EXOC4: variants seen among roughly 807,000 people sequenced by gnomAD.
EXOC4 encodes the protein SEC8-like 1.
In EXOC4, 71 loss-of-function variants were observed where a neutral mutation model predicts 107.2. That is an observed-to-expected ratio of 0.66 (90% CI 0.55 to 0.81). The LOEUF is 0.81. Among genes scored for constraint, EXOC4 ranks in the 30% least tolerant of loss-of-function variants. The pLI is 0.00. For missense variants in EXOC4, 1,108 were observed against 1,189.6 expected (o/e 0.93, Z 1.01); for synonymous variants, 456 against 441.2 (o/e 1.03, Z -0.42).
intron 5 of EXOC4, among the ~76,000 whole-genome samples, chr7:133,348,172 C>CACTA (rs1181186486): frequency 6.6e-6 from 1 of 152,092 alleles, no homozygotes; most frequent in East Asian, 1.9e-4. Context: ...TGATATTAGA[C>CACTA]TAGTCATGGT....
At chr7:133,553,768 C>G (rs1307481044) in intron 9 of EXOC4, among the ~76,000 whole-genome samples, 1 of 152,004 alleles carries the variant, frequency 6.6e-6, no homozygotes, top group Non-Finnish European at 1.5e-5. Flanking sequence ...TTCTGTTGTT[C>G]CCAACAAAGT....
intron 7 of EXOC4, among the ~76,000 whole-genome samples, chr7:133,390,989 A>T (rs1796839694): frequency 6.6e-6 from 1 of 152,114 alleles, no homozygotes; most frequent in Non-Finnish European, 1.5e-5. Flanking sequence ...AATCATTTTA[A>T]TTTTTTATCC....
intron 7 of EXOC4, among the ~76,000 whole-genome samples, chr7:133,400,220 G>A (rs1363957945): frequency 1.3e-5 from 2 of 152,120 alleles, no homozygotes; most frequent in African/African-American, 4.8e-5. Flanking sequence ...TATAATTTCA[G>A]CTACTAAAGA....
At chr7:133,572,049 T>G (rs1450189548) in intron 9 of EXOC4, among the ~76,000 whole-genome samples, 2 of 152,316 alleles carry the variant, frequency 1.3e-5, no homozygotes, top group East Asian at 3.9e-4. Context: ...GCACAGGGAT[T>G]TTCTTTGTTA....
chr7:133,361,266 C>G (rs1034499390), intron 6 of EXOC4, among the ~76,000 whole-genome samples: 1 of 152,060 alleles, frequency 6.6e-6, no homozygotes, highest in African/African-American at 2.4e-5. Context: ...TTTTTGCTTA[C>G]CTCTGTATTG....
At position 133,596,013 on chromosome 7, in the gene EXOC4, C is replaced by G. The variant is rs981647866; in HGVS notation, c.1418-34032C>G. On this transcript the variant is annotated intron_variant, in intron 9 of 17. Coordinates refer to ENST00000253861, the MANE Select transcript of EXOC4 (RefSeq NM_021807.4). Reference sequence around the variant, plus strand: ...CAGCCCCACCTTTTCCCCACACTCCCATTTGCTTTGCTCCAACATGCTATC... The same window carrying G: ...CAGCCCCACCTTTTCCCCACACTCCGATTTGCTTTGCTCCAACATGCTATC... 8.5e-5 allele frequency among the ~76,000 whole-genome samples: 13 copies of G among 152,328 alleles called. No individual in the cohort carries two copies. The East Asian group carries it at 2.5e-3, about 29-fold the overall frequency.
chr7:133,624,762 T>G, intron 9 of EXOC4, among the ~76,000 whole-genome samples: 1 of 152,132 alleles, frequency 6.6e-6, no homozygotes, highest in East Asian at 1.9e-4. Context: ...CTGGCTAATT[T>G]TTGTATTTTT....
At chr7:133,907,457 T>A (rs1799592438) in intron 12 of EXOC4, among the ~76,000 whole-genome samples, 1 of 152,204 alleles carries the variant, frequency 6.6e-6, no homozygotes, top group Non-Finnish European at 1.5e-5. Context: ...GGGTTTTCCA[T>A]ACTAGGTCCA....
chr7:133,806,316 C>T (rs2542274), intron 10 of EXOC4, among the ~76,000 whole-genome samples: 57,347 of 152,012 alleles, frequency 0.38, 13,418 homozygotes, highest in Admixed American at 0.55. Flanking sequence ...ATAGAGAACA[C>T]AGGAGGAGAG....
chr7:133,941,736 ATACAGCAG>A (rs1800432427), intron 14 of EXOC4, among the ~76,000 whole-genome samples: 2 of 152,078 alleles, frequency 1.3e-5, no homozygotes, highest in Admixed American at 6.5e-5. Flanking sequence ...GCATTGACTC[ATACAGCAG>A]ATAAATCAAA....
At chr7:133,707,587 T>G (rs1794795627) in intron 10 of EXOC4, among the ~76,000 whole-genome samples, 1 of 152,086 alleles carries the variant, frequency 6.6e-6, no homozygotes, top group South Asian at 2.1e-4. Flanking sequence ...TGCTTATTTC[T>G]GAACAATATT....
chr7:133,466,843 A>G (rs1239564364), intron 7 of EXOC4, among the ~76,000 whole-genome samples: 3 of 152,198 alleles, frequency 2.0e-5, no homozygotes, highest in Admixed American at 6.5e-5. Flanking sequence ...TTAAAAGTCA[A>G]TGTATTACCA....
At position 133,694,040 on chromosome 7, in the gene EXOC4, C is replaced by T. The variant is rs533008643; in HGVS notation, c.1514+63899C>T. Among the ~76,000 whole-genome samples, 5 of 151,996 alleles carry T rather than the reference C, an allele frequency of 3.3e-5. No homozygotes were observed. The South Asian group carries it at 6.2e-4, about 19-fold the overall frequency. On this transcript the variant is annotated intron_variant, in intron 10 of 17. Coordinates refer to ENST00000253861, the MANE Select transcript of EXOC4 (RefSeq NM_021807.4). Reference sequence around the variant, plus strand: ...CAGCACTTTGGGAGGCCAAGGTGGGCGGATCATGAGGTCAAGAGATTGAGA... The same window carrying T: ...CAGCACTTTGGGAGGCCAAGGTGGGTGGATCATGAGGTCAAGAGATTGAGA...
intron 10 of EXOC4, among the ~76,000 whole-genome samples, chr7:133,657,670 G>A (rs1196339803): frequency 2.0e-5 from 3 of 152,152 alleles, no homozygotes; most frequent in Admixed American, 1.3e-4. Flanking sequence ...GAGAAACTTG[G>A]AACTGGGAGA....
intron 10 of EXOC4, among the ~76,000 whole-genome samples, chr7:133,798,879 CAG>C (rs1796872030): frequency 6.6e-6 from 1 of 152,108 alleles, no homozygotes; most frequent in African/African-American, 2.4e-5. Flanking sequence ...TGAGAAATAA[CAG>C]AGGACAGTAA....
In EXOC4 at chr7:134,041,566, A is replaced by G. The variant is rs773127542; in HGVS notation, c.2688-22725A>G. 2.0e-5 allele frequency among the ~76,000 whole-genome samples: 3 copies of G among 152,192 alleles called. 1 individual carries two copies. The East Asian group carries it at 5.8e-4, about 29-fold the overall frequency. ...GTTATCAGCTTGAACCATTAAATTT[A>G]CTATTTAATATATGCTTTCCAGATC... On this transcript the variant is annotated intron_variant, in intron 17 of 17. Coordinates refer to ENST00000253861, the MANE Select transcript of EXOC4 (RefSeq NM_021807.4).
At chr7:133,688,358 G>T (rs1168404497) in intron 10 of EXOC4, among the ~76,000 whole-genome samples, 2 of 152,130 alleles carry the variant, frequency 1.3e-5, no homozygotes, top group African/African-American at 4.8e-5. Flanking sequence ...CTACAAAAGT[G>T]AAAATACGTA....
intron 6 of EXOC4, among the ~76,000 whole-genome samples, chr7:133,358,842 A>G (rs1796079161): frequency 6.6e-6 from 1 of 152,038 alleles, no homozygotes; most frequent in African/African-American, 2.4e-5. Context: ...TTATAGCACT[A>G]GAAGTATAAT....
chr7:133,311,807 A>T (rs2150574915), intron 4 of EXOC4, among the ~76,000 whole-genome samples: 1 of 152,316 alleles, frequency 6.6e-6, no homozygotes, highest in East Asian at 1.9e-4. Flanking sequence ...TAGACTGTTC[A>T]TAGATTAAAA....
Sources: gnomAD v4.1 joint callset for allele counts (sites outside exome capture counted in the v4.1 genomes callset) on GRCh38, gnomAD v4.1.1 for gene constraint, MANE v1.5 for transcripts, NCBI Gene and HGNC (gene_info 2026-07-23, HGNC 2026-07-21) for gene names.